The following NUP210L variants were observed in gnomAD, a reference collection of about 807,000 sequenced individuals.
NUP210L encodes nuclear pore membrane glycoprotein 210-like.
Under a neutral mutation model 208.5 loss-of-function variants are expected in NUP210L, and 74 were observed. The ratio of observed to expected loss-of-function variants is 0.35; its 90% CI spans 0.29 to 0.43. The LOEUF (loss-of-function observed/expected upper bound fraction) is 0.43, where lower values mean the gene tolerates loss of function less well. Among genes scored for constraint, NUP210L ranks in the 20% least tolerant of loss-of-function variants. The pLI is 1.00. For synonymous variants in NUP210L, 780 were observed against 816.9 expected (o/e 0.95, Z 0.77); for missense variants, 1,843 against 2,289.4 (o/e 0.81, Z 3.98).
chr1:154,093,178 C>T (rs1656016091), intron 15 of NUP210L, among the ~76,000 whole-genome samples: 2 of 152,122 alleles, frequency 1.3e-5, no homozygotes, highest in Admixed American at 1.3e-4. Flanking sequence ...CCTGTAATCC[C>T]AGCACTTTGG....
At chr1:154,104,347 C>A in intron 12 of NUP210L, 137 bp from the exon 13 acceptor site, 1 of 677,864 alleles carries the variant, frequency 1.5e-6, no homozygotes, top group Non-Finnish European at 2.6e-6. Flanking sequence ...ACTATCCATA[C>A]AAGAAGTCAC....
rs202099107 is a variant in NUP210L at position 154,022,120 on chromosome 1, A to G, written c.4516+6T>C. 272 of 1,604,500 alleles carry G rather than the reference A, an allele frequency of 1.7e-4. 2 individuals carry two copies. Among genetic ancestry groups the G allele is most frequent in the Non-Finnish European group, 3.1e-5 (36 of 1,171,270 alleles). ...TGTAAGTTTGAGAAAGGGAATGTAT[A>G]CATACCATGCTGGCTGACAAGGTGA... On this transcript the variant is annotated splice_donor_region_variant and intron_variant, in intron 32 of 39. Coordinates refer to ENST00000368559, the Ensembl canonical transcript of NUP210L.
chr1:154,089,016 G>A (rs1028911104), intron 16 of NUP210L, among the ~76,000 whole-genome samples: 1 of 152,054 alleles, frequency 6.6e-6, no homozygotes, highest in East Asian at 1.9e-4. Flanking sequence ...ATTTGGTAGC[G>A]AAGGATATCA....
At chr1:154,126,605 G>A (rs1003825735) in intron 9 of NUP210L, 142 bp from the exon 10 acceptor site, 1 of 584,472 alleles carries the variant, frequency 1.7e-6, no homozygotes, top group Admixed American at 3.3e-5. Context: ...CTCCCTCATA[G>A]AAATTAAAAG....
At chr1:154,045,897 A>T (rs528429690) in intron 27 of NUP210L, among the ~76,000 whole-genome samples, 172 bp downstream of exon 27, 9 of 152,268 alleles carry the variant, frequency 5.9e-5, no homozygotes, top group African/African-American at 2.2e-4. Flanking sequence ...AGGTGGGAGG[A>T]TCACTTTAGC....
chr1:154,039,703 GT>G (rs1652757923), intron 27 of NUP210L, among the ~76,000 whole-genome samples: 1 of 152,016 alleles, frequency 6.6e-6, no homozygotes, highest in South Asian at 2.1e-4. Context: ...TTTGTATATT[GT>G]TTCTTTTCTT....
chr1:154,003,827 A>G (rs1247648932), intron 35 of NUP210L, among the ~76,000 whole-genome samples: 1 of 152,068 alleles, frequency 6.6e-6, no homozygotes, highest in East Asian at 1.9e-4. Context: ...CCTATATCCA[A>G]TCATTTCCAA....
intron 12 of NUP210L, among the ~76,000 whole-genome samples, chr1:154,111,155 G>A (rs926035148): frequency 2.6e-5 from 4 of 151,372 alleles, no homozygotes; most frequent in South Asian, 4.1e-4. Flanking sequence ...GGCCAAGGCC[G>A]GGAGATCACC....
chr1:154,111,039 C>T (rs1657015225), intron 12 of NUP210L, among the ~76,000 whole-genome samples: 1 of 150,474 alleles, frequency 6.6e-6, no homozygotes, highest in African/African-American at 2.5e-5. Context: ...ATCGACAAAC[C>T]TTTAGCCAGA....
chr1:154,054,922 A>G (rs1653727622), intron 23 of NUP210L, 90 bp from the exon 24 acceptor site: 2 of 831,908 alleles, frequency 2.4e-6, no homozygotes, highest in South Asian at 3.0e-5. Flanking sequence ...TTTTTTTTAG[A>G]CAGAGTCTTG....
Position 154,092,368 on chromosome 1 carries a change from C to T in NUP210L, c.2187+2567G>A, listed in dbSNP as rs12047603. ...AGCTAGGATTACAGGCGTTAGCCACCGCGCCCGGCCTTTTTTTTTTTTACG... is the reference window on the plus strand; with the variant it reads ...AGCTAGGATTACAGGCGTTAGCCACTGCGCCCGGCCTTTTTTTTTTTTACG... On this transcript the variant is annotated intron_variant, in intron 15 of 39. Coordinates refer to ENST00000368559, the Ensembl canonical transcript of NUP210L. 4.2e-3 allele frequency among the ~76,000 whole-genome samples: 623 copies of T among 148,922 alleles called. 15 individuals are homozygous for T. In the East Asian group the frequency reaches 0.062, roughly 15 times the overall value.
At chr1:154,001,141 A>T in intron 36 of NUP210L, 81 bp from the exon 37 acceptor site, 1 of 1,076,532 alleles carries the variant, frequency 9.3e-7, no homozygotes, top group Non-Finnish European at 1.4e-6. Context: ...AAACATATAC[A>T]GTACAATAAT....
intron 17 of NUP210L, among the ~76,000 whole-genome samples, chr1:154,069,384 A>C (rs1654587018): frequency 6.6e-6 from 1 of 152,232 alleles, no homozygotes; most frequent in Non-Finnish European, 1.5e-5. Flanking sequence ...AAAAGTGGGC[A>C]AAGGATATGG....
intron 2 of NUP210L, among the ~76,000 whole-genome samples, chr1:154,147,484 C>T (rs1469311700): frequency 1.3e-5 from 2 of 151,782 alleles, no homozygotes; most frequent in African/African-American, 2.4e-5. Context: ...GTTACAGGCA[C>T]GTACCATCAT....
intron 16 of NUP210L, among the ~76,000 whole-genome samples, chr1:154,081,127 A>C (rs1655302632): frequency 6.6e-6 from 1 of 152,076 alleles, no homozygotes; most frequent in Non-Finnish European, 1.5e-5. Flanking sequence ...AGTATAAATA[A>C]ATTTTATGTT....
At chr1:154,070,489 AAAC>A (rs1221456544) in intron 16 of NUP210L, 24 bp from the exon 17 acceptor site, 2 of 1,462,958 alleles carry the variant, frequency 1.4e-6, no homozygotes, top group African/African-American at 2.9e-5. Flanking sequence ...AAAAGTAATA[AAAC>A]AACAATTTAA....
intron 16 of NUP210L, among the ~76,000 whole-genome samples, chr1:154,088,210 C>T (rs970181622): frequency 6.6e-6 from 1 of 151,944 alleles, no homozygotes; most frequent in African/African-American, 2.4e-5. Flanking sequence ...TGGTGGCACA[C>T]ACCTATAATC....
rs188107735 is a variant in NUP210L at position 154,151,284 on chromosome 1, C to T, written c.340+1452G>A. On this transcript the variant is annotated intron_variant, in intron 2 of 39. Coordinates refer to ENST00000368559, the Ensembl canonical transcript of NUP210L. ...TGTTTGAGACTATCATACCATATTT[C>T]ATTGATTCTTAGACACTCGTTTTTT... Among the ~76,000 whole-genome samples, 185 of 151,120 alleles carry T rather than the reference C, an allele frequency of 1.2e-3. 1 individual carries two copies. Among genetic ancestry groups the T allele is most frequent in the Non-Finnish European group, 2.1e-3 (146 of 67,976 alleles).
intron 28 of NUP210L, among the ~76,000 whole-genome samples, chr1:154,029,470 G>A (rs572793919): frequency 1.3e-5 from 2 of 151,148 alleles, no homozygotes; most frequent in East Asian, 2.0e-4. Flanking sequence ...TTGGGAGGCC[G>A]AGGCAGGAGG....
Sources: allele counts gnomAD v4.1 joint callset (sites outside exome capture counted in the v4.1 genomes callset), GRCh38; gene constraint gnomAD v4.1.1; transcripts MANE v1.5; gene names NCBI Gene and HGNC (gene_info 2026-07-23, HGNC 2026-07-21).